Variants in TXNDC16 observed in about 807,000 individuals in gnomAD.
TXNDC16 encodes thioredoxin domain containing 16, also known as thioredoxin domain-containing protein 16.
Under a neutral mutation model 85.6 loss-of-function variants are expected in TXNDC16, and 74 were observed. That is an observed-to-expected ratio of 0.86 (90% CI 0.72 to 1.05). The LOEUF is 1.05. Ranked by LOEUF, TXNDC16 falls within the 50% of genes least tolerant of loss-of-function variation. The probability of loss-of-function intolerance (pLI) is 0.00; values close to 1 mark genes in which losing one functional copy is unlikely to be tolerated. For missense variants in TXNDC16, 959 were observed against 947.0 expected (o/e 1.01, Z -0.17); for synonymous variants, 335 against 326.5 (o/e 1.03, Z -0.28).
chr14:52,521,408 A>G (rs2037208884), intron 6 of TXNDC16, among the ~76,000 whole-genome samples: 1 of 151,826 alleles, frequency 6.6e-6, no homozygotes, highest in African/African-American at 2.4e-5. Context: ...GGCGTGAGTC[A>G]CTGCGCCTGG....
chr14:52,491,110 T>A, intron 9 of TXNDC16, 105 bp from the exon 10 acceptor site: 1 of 1,288,330 alleles, frequency 7.8e-7, no homozygotes, highest in Non-Finnish European at 1.0e-6. Context: ...AAAAAAAGTG[T>A]AAAATAATCC....
intron 4 of TXNDC16, among the ~76,000 whole-genome samples, chr14:52,541,902 TA>T (rs929867554): frequency 6.6e-6 from 1 of 152,212 alleles, no homozygotes; most frequent in Non-Finnish European, 1.5e-5. Context: ...AACTTTGTTC[TA>T]AAAATAAATG....
In TXNDC16 at chr14:52,518,334, CTT is replaced by C. The variant is rs2037132851; in HGVS notation, c.514+836_514+837del. The stretch of plus-strand genomic sequence containing the variant: ...CATACTCATATCTCTATTTGAATGT[CTT>C]TTGGGAATTTCATAAGTATGATGTC... On this transcript the variant is annotated intron_variant, in intron 7 of 20. Coordinates refer to ENST00000281741, the MANE Select transcript of TXNDC16 (RefSeq NM_020784.3). Among the ~76,000 whole-genome samples, 7 of 152,290 alleles carry C rather than the reference CTT, an allele frequency of 4.6e-5. No individual in the cohort carries two copies. The South Asian group carries it at 1.4e-3, about 32-fold the overall frequency.
intron 14 of TXNDC16, among the ~76,000 whole-genome samples, chr14:52,471,567 T>C (rs935935149): frequency 6.6e-6 from 1 of 152,164 alleles, no homozygotes; most frequent in Non-Finnish European, 1.5e-5. Flanking sequence ...TTTCCTTATC[T>C]CCTTATGTAA....
Position 52,536,730 on chromosome 14 carries a change from G to A in TXNDC16, c.381C>T (p.Ala127=), listed in dbSNP as rs771636566. The A allele has an allele frequency of 1.2e-6, 2 of 1,610,256 alleles. No homozygotes were observed. The highest frequency in any genetic ancestry group is 1.7e-6 in the Non-Finnish European group (2 of 1,177,752). Reference sequence around the variant, plus strand: ...GCCCCTGTACTTACAAGAGAACATGGGCGACAATGGCATTCACATCAAACA... The same window carrying A: ...GCCCCTGTACTTACAAGAGAACATGAGCGACAATGGCATTCACATCAAACA... ...DTLFDVNAIV[A]HVLFALLFSE... is the part of the protein sequence containing the mutation. The change falls in exon 6 of 21, where the codon GCC becomes GCT. Residue 127 remains alanine, a synonymous_variant. Transcript: ENST00000281741.
intron 4 of TXNDC16, among the ~76,000 whole-genome samples, chr14:52,538,744 C>T (rs2037761396): frequency 6.6e-6 from 1 of 152,048 alleles, no homozygotes; most frequent in African/African-American, 2.4e-5. Context: ...TTTTGTTTTG[C>T]ATTTGGTAAG....
intron 6 of TXNDC16, among the ~76,000 whole-genome samples, chr14:52,534,197 C>T (rs2037647768): frequency 6.6e-6 from 1 of 152,084 alleles, no homozygotes; most frequent in Admixed American, 6.6e-5. Context: ...ACAAAAATTC[C>T]CTTCCTCTGA....
At chr14:52,543,721 T>C in intron 2 of TXNDC16, 91 bp from the exon 3 acceptor site, 1 of 748,014 alleles carries the variant, frequency 1.3e-6, no homozygotes, top group East Asian at 3.0e-5. Context: ...AAGTCATTAG[T>C]CACATCATTT....
intron 20 of TXNDC16, among the ~76,000 whole-genome samples, chr14:52,436,211 C>A (rs1468439885): frequency 6.6e-6 from 1 of 152,088 alleles, no homozygotes; most frequent in African/African-American, 2.4e-5. Context: ...TGTGACATAT[C>A]CTTGCAGTGG....
chr14:52,433,406 A>T (rs184360907), intron 20 of TXNDC16, among the ~76,000 whole-genome samples: 46 of 152,340 alleles, frequency 3.0e-4, no homozygotes, highest in African/African-American at 1.1e-3. Flanking sequence ...GTACTATTTT[A>T]AAAAATAAAC....
At chr14:52,519,123 A>C (rs2037150311) in intron 7 of TXNDC16, 49 bp downstream of exon 7, 3 of 1,540,346 alleles carry the variant, frequency 1.9e-6, no homozygotes, top group Non-Finnish European at 2.6e-6. Context: ...ACTTCAACAT[A>C]CATAAGTACA....
intron 4 of TXNDC16, among the ~76,000 whole-genome samples, chr14:52,539,447 A>G (rs2037779193): frequency 6.6e-6 from 1 of 152,230 alleles, no homozygotes; most frequent in East Asian, 1.9e-4. Context: ...GAGGGTCAGA[A>G]AATGAGATCA....
At chr14:52,473,926 T>G (rs2035962832) in intron 14 of TXNDC16, among the ~76,000 whole-genome samples, 1 of 152,232 alleles carries the variant, frequency 6.6e-6, no homozygotes, top group Admixed American at 6.5e-5. Flanking sequence ...AAAGTTATAG[T>G]ATAGGCTTCA....
In TXNDC16 at chr14:52,432,409, C is replaced by T. The variant is rs200980251; in HGVS notation, c.2373G>A (p.Pro791=). The T allele has an allele frequency of 2.5e-5, 40 of 1,613,940 alleles. No individual in the cohort carries two copies. The highest frequency in any genetic ancestry group is 2.7e-5 in the Non-Finnish European group (32 of 1,179,942). The change falls in exon 21 of 21, where the codon CCG becomes CCA. Residue 791 remains proline, a synonymous_variant. Transcript: ENST00000281741. ...HEDKSAVRKE[P]IETLRIKHWN... ...AATGCTTTATTCTCAGAGTTTCAAT[C>T]GGTTCTTTTCTGACTGCCGATTTAT...
chr14:52,540,090 A>T (rs2037795138), intron 4 of TXNDC16, among the ~76,000 whole-genome samples: 1 of 152,238 alleles, frequency 6.6e-6, no homozygotes, highest in Admixed American at 6.5e-5. Flanking sequence ...GTAGAAAAGG[A>T]AGGACACATT....
At chr14:52,550,583 C>T (rs112687988) in intron 1 of TXNDC16, among the ~76,000 whole-genome samples, 171 of 152,286 alleles carry the variant, frequency 1.1e-3, no homozygotes, top group African/African-American at 4.0e-3. Context: ...TGGCAGGTGG[C>T]AGGTAAGCCT....
chr14:52,536,679 G>T, intron 6 of TXNDC16, 40 bp downstream of exon 6: 1 of 1,483,156 alleles, frequency 6.7e-7, no homozygotes, highest in Non-Finnish European at 9.2e-7. Context: ...CAACAGATAA[G>T]TAACAAGTAA....
At chr14:52,535,090 T>C (rs2037668957) in intron 6 of TXNDC16, among the ~76,000 whole-genome samples, 1 of 152,228 alleles carries the variant, frequency 6.6e-6, no homozygotes, top group Admixed American at 6.5e-5. Flanking sequence ...GGATTCATTC[T>C]TTATGAAAAG....
chr14:52,477,719 C>T (rs1201034919), intron 14 of TXNDC16, among the ~76,000 whole-genome samples: 2 of 152,006 alleles, frequency 1.3e-5, no homozygotes, highest in Admixed American at 6.6e-5. Context: ...ACAGCAACAT[C>T]ATAATAGTGG....
Sources: allele counts gnomAD v4.1 joint callset (sites outside exome capture counted in the v4.1 genomes callset), GRCh38; gene constraint gnomAD v4.1.1; transcripts MANE v1.5; gene names NCBI Gene and HGNC (gene_info 2026-07-23, HGNC 2026-07-21).